Variants in CCNB3 observed in about 807,000 individuals in gnomAD.
CCNB3 encodes the protein cyclin B3, also known as G2/mitotic-specific cyclin-B3.
CCNB3 carries 12 observed loss-of-function variants against 68.0 expected under a neutral mutation model. The ratio of observed to expected loss-of-function variants is 0.18; its 90% CI spans 0.11 to 0.29. The LOEUF (loss-of-function observed/expected upper bound fraction) is 0.29, where lower values mean the gene tolerates loss of function less well. Ranked by LOEUF, CCNB3 falls within the 10% of genes least tolerant of loss-of-function variation. CCNB3 has a pLI of 1.00. For missense variants in CCNB3, 904 were observed against 993.1 expected (o/e 0.91, Z 1.21); for synonymous variants, 354 against 388.9 (o/e 0.91, Z 1.06).
At chrX:50,279,799 A>C (rs1294226498) in intron 1 of CCNB3, among the ~76,000 whole-genome samples, 1 of 88,529 alleles carries the variant, frequency 1.1e-5, no homozygotes, top group South Asian at 5.0e-4. Flanking sequence ...AATATATACT[A>C]TATATAGAAT....
intron 1 of CCNB3, among the ~76,000 whole-genome samples, chrX:50,227,730 AAT>A (rs1935917732): frequency 1.9e-5 from 1 of 52,837 alleles, no homozygotes; most frequent in Non-Finnish European, 3.3e-5. Flanking sequence ...ATAGAGAGAT[AAT>A]ATATATAAAT....
chrX:50,290,115 A>T (rs1557209922), intron 4 of CCNB3, among the ~76,000 whole-genome samples: 1 of 112,233 alleles, frequency 8.9e-6, no homozygotes, highest in Admixed American at 9.4e-5. Context: ...TCAGGAGCAG[A>T]TGCAGCCTAT....
Position 50,347,620 on chromosome X carries a change from C to A in CCNB3, c.3811-6C>A, listed in dbSNP as rs370424299. 4.1e-6 allele frequency: 5 copies of A among 1,205,675 alleles called. No individual in the cohort carries two copies. Among genetic ancestry groups the A allele is most frequent in the Non-Finnish European group, 4.5e-6 (4 of 892,131 alleles). ...ATTTCTGAGCCAGTCTTCTCATTGC[C>A]TTTAGTGTATCCACACCAACATGAA... On this transcript the variant is annotated splice_polypyrimidine_tract_variant and splice_region_variant and intron_variant, in intron 10 of 12. Coordinates refer to ENST00000376042, the MANE Select transcript of CCNB3 (RefSeq NM_033031.3).
intron 8 of CCNB3, among the ~76,000 whole-genome samples, chrX:50,339,136 T>C: frequency 8.9e-6 from 1 of 112,414 alleles, no homozygotes; most frequent in Non-Finnish European, 1.9e-5. Context: ...ATTTAGAAAG[T>C]TTATTTTGCT....
chrX:50,309,533 C>T lies in CCNB3; in HGVS notation c.1364C>T (p.Ser455Leu), dbSNP rs782227314. 8.3e-6 allele frequency: 10 copies of T among 1,209,331 alleles called. No homozygotes were observed. Among genetic ancestry groups the T allele is most frequent in the East Asian group, 3.0e-5 (1 of 33,729 alleles). ...QEEVSILKEP[S>L]SLLKSPTEES... is the part of the protein sequence containing the mutation. ...GAGGTTTCCATCTTAAAGGAGCCCTCGTCCTTGCTAAAGTCTCCAACTGAG... is the reference window on the plus strand; with the variant it reads ...GAGGTTTCCATCTTAAAGGAGCCCTTGTCCTTGCTAAAGTCTCCAACTGAG... The change falls in exon 6 of 13, where the codon TCG becomes TTG. Residue 455 changes from serine to leucine, a missense_variant. Coordinates refer to ENST00000376042, the MANE Select transcript of CCNB3 (RefSeq NM_033031.3).
chrX:50,287,075 C>T (rs1936253916), intron 3 of CCNB3, among the ~76,000 whole-genome samples: 3 of 112,261 alleles, frequency 2.7e-5, no homozygotes, highest in African/African-American at 9.7e-5. Context: ...ATGGTCTGAT[C>T]CCAGTGTCCT....
chrX:50,223,518 G>A (rs1935706023), intron 1 of CCNB3, among the ~76,000 whole-genome samples: 2 of 111,898 alleles, frequency 1.8e-5, no homozygotes, highest in African/African-American at 3.3e-5. Flanking sequence ...TAACAGTCAG[G>A]CCCTTCTGCT....
chrX:50,279,703 A>T (rs1936065205), intron 1 of CCNB3, among the ~76,000 whole-genome samples: 1 of 91,454 alleles, frequency 1.1e-5, no homozygotes, highest in Admixed American at 1.5e-4. Context: ...CATATATGTG[A>T]ATATGTATAT....
At chrX:50,228,616 G>T (rs1380800774) in intron 1 of CCNB3, among the ~76,000 whole-genome samples, 1 of 76,696 alleles carries the variant, frequency 1.3e-5, no homozygotes, top group Admixed American at 1.9e-4. Flanking sequence ...AGAATATATA[G>T]AATATATATA....
rs782200297 is a variant in CCNB3 at position 50,308,615 on chromosome X, A to C, written c.446A>C (p.Glu149Ala). ...ACCACCTCCAAAACACCCAACACTG[A>C]GGAGGCATCTCTCTTCAGAAAGCCA... ...ISTTSKTPNT[E>A]EASLFRKPLV... is the part of the protein sequence containing the mutation. Residue 149 changes from glutamate to alanine, a missense_variant, in exon 6 of 13, where the codon GAG becomes GCG. By Grantham distance (107) the Glu-to-Ala change is moderately radical. This residue lies in a region of CCNB3 where 619 missense variants were observed against 609.8 expected (regional missense o/e 1.02). Transcript: ENST00000376042. 7.5e-5 allele frequency: 90 copies of C among 1,205,835 alleles called. No homozygotes were observed. The South Asian group carries it at 1.5e-3, about 20-fold the overall frequency.
At chrX:50,311,537 T>C in intron 6 of CCNB3, 41 bp downstream of exon 6, 2 of 996,486 alleles carry the variant, frequency 2.0e-6, no homozygotes, top group Non-Finnish European at 2.7e-6. Context: ...TAAATTGTTC[T>C]TTGATATCCT....
chrX:50,309,071 A>G lies in CCNB3; in HGVS notation c.902A>G (p.Lys301Arg). The change falls in exon 6 of 13, where the codon AAG (lysine) becomes AGG (arginine). Residue 301 changes from lysine (K) to arginine (R), a missense_variant. Physicochemically the swap from Lys to Arg is conservative, Grantham distance 26. Transcript: ENST00000376042. The part of the protein sequence containing the change: ...TIYGKICHFR[K>R]PPVLQTTICG... Reference sequence around the variant, plus strand: ...TATGGGAAGATATGCCACTTTAGGAAGCCACCAGTATTGCAGACAACCATC... The same window carrying G: ...TATGGGAAGATATGCCACTTTAGGAGGCCACCAGTATTGCAGACAACCATC... 3.3e-6 allele frequency: 4 copies of G among 1,210,816 alleles called. No individual in the cohort carries two copies. In the South Asian group the frequency reaches 7.0e-5, roughly 21 times the overall value.
intron 1 of CCNB3, among the ~76,000 whole-genome samples, chrX:50,225,022 G>A (rs1935729672): frequency 1.8e-5 from 2 of 111,716 alleles, no homozygotes; most frequent in Non-Finnish European, 3.8e-5. Flanking sequence ...TATCACTGGA[G>A]ATAGAGCACA....
chrX:50,329,240 G>C (rs1213768971), intron 8 of CCNB3, among the ~76,000 whole-genome samples: 3 of 111,605 alleles, frequency 2.7e-5, no homozygotes, highest in African/African-American at 9.8e-5. Flanking sequence ...TCCAGAGTGG[G>C]GACTCTAGTG....
intron 1 of CCNB3, among the ~76,000 whole-genome samples, chrX:50,280,142 T>A (rs1261650263): frequency 9.9e-5 from 9 of 91,336 alleles, no homozygotes; most frequent in African/African-American, 2.9e-4. Context: ...TATGTAAAAA[T>A]ATATATAGAA....
rs1340409376 is a variant in CCNB3 at position 50,279,247 on chromosome X, T to C, written c.-112-5295T>C. Among the ~76,000 whole-genome samples the C allele has an allele frequency of 3.1e-3, 217 of 69,491 alleles. 1 individual carries two copies. Among genetic ancestry groups the C allele is most frequent in the African/African-American group, 0.012 (200 of 16,780 alleles). The allele number at this position is 69,491 out of a possible 115,157, so 60.3% of individuals were successfully genotyped here. On this transcript the variant is annotated intron_variant, in intron 1 of 12. Coordinates refer to ENST00000376042, the MANE Select transcript of CCNB3 (RefSeq NM_033031.3). ...ATATATAAATATATATGAATATATA[T>C]ACTATATATAAATATATAGAGAATA...
intron 4 of CCNB3, among the ~76,000 whole-genome samples, chrX:50,291,131 A>C (rs1936341013): frequency 9.0e-6 from 1 of 111,081 alleles, no homozygotes; most frequent in Non-Finnish European, 1.9e-5. Context: ...TTAATTAGTT[A>C]ATCTGCTGTG....
chrX:50,333,936 T>TC (rs1320723692), intron 8 of CCNB3, among the ~76,000 whole-genome samples: 2 of 111,632 alleles, frequency 1.8e-5, no homozygotes, highest in Middle Eastern at 4.2e-3. Flanking sequence ...TTATGTCCTT[T>TC]CCCCCAGAGT....
chrX:50,335,546 C>G (rs562596516), intron 8 of CCNB3, among the ~76,000 whole-genome samples: 2 of 111,486 alleles, frequency 1.8e-5, no homozygotes, highest in Non-Finnish European at 3.8e-5. Context: ...ACCTGGATTC[C>G]TTCGAGAGCT....
Sources: allele counts gnomAD v4.1 joint callset (sites outside exome capture counted in the v4.1 genomes callset), GRCh38; gene constraint gnomAD v4.1.1; regional missense constraint gnomAD v4.1.1; transcripts MANE v1.5; gene names NCBI Gene and HGNC (gene_info 2026-07-23, HGNC 2026-07-21).